The following BCAS3 variants were observed in gnomAD, a reference collection of about 807,000 sequenced individuals.
BCAS3 encodes the protein BCAS3 microtubule associated cell migration factor.
BCAS3 carries 53 observed loss-of-function variants against 116.1 expected under a neutral mutation model. That is an observed-to-expected ratio of 0.46 (90% confidence interval 0.37 to 0.57). The LOEUF (loss-of-function observed/expected upper bound fraction) is 0.57, where lower values mean the gene tolerates loss of function less well. Ranked by LOEUF, BCAS3 falls within the 20% of genes least tolerant of loss-of-function variation. The probability of loss-of-function intolerance (pLI) is 0.00; values close to 1 mark genes in which losing one functional copy is unlikely to be tolerated. For missense variants in BCAS3, 917 were observed against 1,165.4 expected (o/e 0.79, Z 3.10); for synonymous variants, 391 against 408.2 (o/e 0.96, Z 0.51).
At chr17:60,983,778 A>G (rs889602832) in intron 14 of BCAS3, among the ~76,000 whole-genome samples, 1 of 152,218 alleles carries the variant, frequency 6.6e-6, no homozygotes, top group Non-Finnish European at 1.5e-5. Context: ...AAATTGCTCA[A>G]TGATAAATCT....
Position 61,352,184 on chromosome 17 carries a change from T to A in BCAS3, c.2426-16143T>A, listed in dbSNP as rs1281061123. On this transcript the variant is annotated intron_variant, in intron 22 of 23. Transcript: ENST00000407086. This position sits in a 1 kb window ranked among gnomAD's most constrained non-coding sequence, Gnocchi z 4.7. ...AACTCAGAGTTAGATGACAGGTCCA[T>A]GTCCAGCTGACGTAGTAACAAGAGG... 6.6e-6 allele frequency among the ~76,000 whole-genome samples: 1 copy of A among 150,830 alleles called. No homozygotes were observed. The highest frequency in any genetic ancestry group is 1.5e-5 in the Non-Finnish European group (1 of 67,858).
At chr17:61,231,102 C>G (rs961274322) in intron 22 of BCAS3, among the ~76,000 whole-genome samples, 3 of 151,774 alleles carry the variant, frequency 2.0e-5, no homozygotes, top group Non-Finnish European at 4.4e-5. Flanking sequence ...CTGTACCTGA[C>G]CTGACTTTTT....
At chr17:61,299,320 G>A (rs1262449818) in intron 22 of BCAS3, among the ~76,000 whole-genome samples, 5 of 151,506 alleles carry the variant, frequency 3.3e-5, no homozygotes, top group Admixed American at 6.6e-5. Context: ...GTGGGCGCCT[G>A]TAGTCCCAGC....
At position 61,019,338 on chromosome 17, in the gene BCAS3, G is replaced by C. The variant is rs1038787880; in HGVS notation, c.1637+3437G>C. ...TGAAACTTCCATGAAACCTATTCCTGGTGCCAAAAAGGTTGGGGATCGCTC... is the reference window on the plus strand; with the variant it reads ...TGAAACTTCCATGAAACCTATTCCTCGTGCCAAAAAGGTTGGGGATCGCTC... On this transcript the variant is annotated intron_variant, in intron 16 of 23. Coordinates refer to ENST00000407086, the MANE Select transcript of BCAS3 (RefSeq NM_017679.5). This position sits in a 1 kb window ranked among gnomAD's most constrained non-coding sequence, Gnocchi z 5.6. Among the ~76,000 whole-genome samples the C allele has an allele frequency of 1.3e-5, 2 of 152,110 alleles. No homozygotes were observed. The highest frequency in any genetic ancestry group is 2.4e-5 in the African/African-American group (1 of 41,418).
chr17:60,787,097 A>G (rs2046345449), intron 6 of BCAS3, among the ~76,000 whole-genome samples: 1 of 152,170 alleles, frequency 6.6e-6, no homozygotes, highest in Non-Finnish European at 1.5e-5. Context: ...TGTCATGCAA[A>G]CAGTTTATAT....
intron 22 of BCAS3, among the ~76,000 whole-genome samples, chr17:61,099,628 C>A (rs779528573): frequency 2.6e-5 from 4 of 152,130 alleles, no homozygotes; most frequent in Non-Finnish European, 5.9e-5. Flanking sequence ...CAGAATATTT[C>A]TTTGATACAA....
At chr17:61,342,353 G>A (rs1219622744) in intron 22 of BCAS3, among the ~76,000 whole-genome samples, 2 of 152,140 alleles carry the variant, frequency 1.3e-5, no homozygotes, top group Admixed American at 1.3e-4. Flanking sequence ...AAGAGCCATG[G>A]CAGGCTGGTC....
At chr17:60,798,871 T>G (rs1046444103) in intron 6 of BCAS3, among the ~76,000 whole-genome samples, 2 of 152,246 alleles carry the variant, frequency 1.3e-5, no homozygotes, top group Admixed American at 1.3e-4. Flanking sequence ...AATTTGGTCG[T>G]TCTGGTAGCT....
In BCAS3 at chr17:61,241,528, G is replaced by A. The variant is rs111347557; in HGVS notation, c.2426-126799G>A. Among the ~76,000 whole-genome samples, 4,096 of 151,734 alleles carry A rather than the reference G, an allele frequency of 0.027. 185 individuals are homozygous for A. Among genetic ancestry groups the A allele is most frequent in the African/African-American group, 0.092 (3,811 of 41,328 alleles). On this transcript the variant is annotated intron_variant, in intron 22 of 23. Transcript: ENST00000407086. The surrounding 1 kb of genome is among the most constrained non-coding windows in gnomAD (Gnocchi z 4.6). ...AGATCAAGACCATCCTCGCTAACAC[G>A]GTGAAACCCCACCTCTACTAAAAAA... is the stretch of plus-strand genomic sequence containing the variant.
intron 22 of BCAS3, among the ~76,000 whole-genome samples, chr17:61,103,238 A>G (rs1043036840): frequency 6.6e-6 from 1 of 152,118 alleles, no homozygotes; most frequent in Non-Finnish European, 1.5e-5. Context: ...ATAAATTTGT[A>G]TATTAAATGC....
At chr17:61,060,578 A>G (rs1164097034) in intron 19 of BCAS3, among the ~76,000 whole-genome samples, 1 of 152,214 alleles carries the variant, frequency 6.6e-6, no homozygotes, top group Non-Finnish European at 1.5e-5. Context: ...CACCCTAGCC[A>G]AGAAGAGTCA....
intron 5 of BCAS3, among the ~76,000 whole-genome samples, chr17:60,737,378 T>C (rs2041089149): frequency 6.6e-6 from 1 of 152,226 alleles, no homozygotes; most frequent in Admixed American, 6.5e-5. Context: ...TGATTTTCTG[T>C]TTTCAATTTC....
At chr17:61,127,643 G>GA (rs1230577656) in intron 22 of BCAS3, among the ~76,000 whole-genome samples, 1 of 149,582 alleles carries the variant, frequency 6.7e-6, no homozygotes, top group Non-Finnish European at 1.5e-5. Context: ...TACCAGGCTA[G>GA]AACTTTAAGA....
rs1350762093 is a variant in BCAS3 at position 61,344,817 on chromosome 17, G to A, written c.2426-23510G>A. Among the ~76,000 whole-genome samples, 2 of 152,066 alleles carry A rather than the reference G, an allele frequency of 1.3e-5. No homozygotes were observed. The highest frequency in any genetic ancestry group is 1.9e-4 in the East Asian group (1 of 5,192). On this transcript the variant is annotated intron_variant, in intron 22 of 23. Transcript: ENST00000407086. The surrounding 1 kb of genome is among the most constrained non-coding windows in gnomAD (Gnocchi z 4.1). ...GCCATGGGAAGCCAGCAGGGCCCAG[G>A]TCATTAAGTAAGGGACAACCATGGC...
intron 22 of BCAS3, among the ~76,000 whole-genome samples, chr17:61,272,627 A>C: frequency 1.1e-5 from 1 of 92,550 alleles, no homozygotes. Flanking sequence ...ACAGAGTGAA[A>C]CCCTGTCTCA....
chr17:60,679,264 G>GA (rs1168730874), intron 1 of BCAS3, among the ~76,000 whole-genome samples, 189 bp from the exon 2 acceptor site: 1 of 151,896 alleles, frequency 6.6e-6, no homozygotes, highest in Non-Finnish European at 1.5e-5. Flanking sequence ...ATTATAATTT[G>GA]AAAAAAATTA....
At chr17:61,306,379 T>C (rs529932079) in intron 22 of BCAS3, among the ~76,000 whole-genome samples, 1 of 152,214 alleles carries the variant, frequency 6.6e-6, no homozygotes, top group South Asian at 2.1e-4. Context: ...AGTATAGCAG[T>C]TAGAGAATAG....
In BCAS3 at chr17:61,222,614, A is replaced by G. The variant is rs3826417; in HGVS notation, c.2425+138050A>G. Among the ~76,000 whole-genome samples the G allele has an allele frequency of 0.59, 89,827 of 152,014 alleles. 30,881 individuals are homozygous for G. Among genetic ancestry groups the G allele is most frequent in the East Asian group, 0.95 (4,932 of 5,178 alleles). On this transcript the variant is annotated intron_variant, in intron 22 of 23. Transcript: ENST00000407086. This position sits in a 1 kb window ranked among gnomAD's most constrained non-coding sequence, Gnocchi z 6.1. ...CTCTGTAGCTTAGTAATAACTGAAC[A>G]TGGTTAATTTGTTCTGGTTTATTGT... is the stretch of plus-strand genomic sequence containing the variant.
chr17:61,052,467 A>C (rs2143207325), intron 19 of BCAS3, among the ~76,000 whole-genome samples: 1 of 152,240 alleles, frequency 6.6e-6, no homozygotes, highest in African/African-American at 2.4e-5. Context: ...ACGACGTGTT[A>C]GAAGGCAGCA....
Sources: allele counts gnomAD v4.1 joint callset (sites outside exome capture counted in the v4.1 genomes callset), GRCh38; gene constraint gnomAD v4.1.1; non-coding constraint Gnocchi (gnomAD v3.1); transcripts MANE v1.5; gene names NCBI Gene and HGNC (gene_info 2026-07-23, HGNC 2026-07-21).